Variants in ABCC5 observed in about 807,000 individuals in gnomAD.
The protein encoded by ABCC5 is ATP-binding cassette sub-family C member 5.
In ABCC5, 61 loss-of-function variants were observed where a neutral mutation model predicts 160.9. The observed-to-expected ratio is 0.38, with a 90% CI of 0.31 to 0.47. The LOEUF (loss-of-function observed/expected upper bound fraction) is 0.47. ABCC5 is among the 20% of genes least tolerant of loss of function. The pLI is 0.99. For synonymous variants in ABCC5, 666 were observed against 700.6 expected (o/e 0.95, Z 0.78); for missense variants, 1,308 against 1,813.3 (o/e 0.72, Z 5.06).
rs573755082 is a variant in ABCC5, at chr3:183,927,823, T to A, written c.3934-380A>T. 2.2e-5 allele frequency: 22 copies of A among 985,388 alleles called. 1 individual carries two copies. The South Asian group carries it at 9.4e-4, about 42-fold the overall frequency. 61.0% of individuals were successfully genotyped at this position (985,388 alleles called of 1,614,324 possible). A position where few individuals can be genotyped will look rare whatever the true frequency, so the allele number is the denominator to read the frequency against. On this transcript the variant is annotated intron_variant, in intron 27 of 29. Transcript: ENST00000334444. ...GTCCAAAGCCGTAGGCCCGTGCCTG[T>A]GAAACATTTTTTGTAAGCTGCAGAA...
chr3:183,939,310 G>A (rs896483279), intron 25 of ABCC5, among the ~76,000 whole-genome samples: 1 of 152,182 alleles, frequency 6.6e-6, no homozygotes, highest in African/African-American at 2.4e-5. Flanking sequence ...GCGAGTGCCT[G>A]TAATCCCAGG....
Position 183,963,710 on chromosome 3 carries a change from T to A in ABCC5, c.2032-122A>T. 1.2e-6 allele frequency: 1 copy of A among 838,846 alleles called. No individual in the cohort carries two copies. The highest frequency in any genetic ancestry group is 1.7e-6 in the Non-Finnish European group (1 of 571,536). 52.0% of individuals were successfully genotyped at this position (838,846 alleles called of 1,614,324 possible). ...GCTCCTTCTGTCAATTCCCCGCAGA[T>A]GAACTGCCATGCTGATTCCCCGCAG... On this transcript the variant is annotated intron_variant, in intron 14 of 29. Coordinates refer to ENST00000334444, the MANE Select transcript of ABCC5 (RefSeq NM_005688.4). This position sits in a 1 kb window ranked among gnomAD's most constrained non-coding sequence, Gnocchi z 4.6.
chr3:183,943,759 A>T (rs981205193), intron 24 of ABCC5, among the ~76,000 whole-genome samples: 1 of 152,174 alleles, frequency 6.6e-6, no homozygotes, highest in African/African-American at 2.4e-5. Flanking sequence ...GACCGGTTTC[A>T]GCAGGGTCCA....
intron 1 of ABCC5, among the ~76,000 whole-genome samples, chr3:184,015,323 A>G (rs1275646371): frequency 6.6e-6 from 1 of 152,158 alleles, no homozygotes; most frequent in African/African-American, 2.4e-5. Context: ...AAACACATAC[A>G]TACTTCTCCA....
intron 2 of ABCC5, among the ~76,000 whole-genome samples, chr3:183,990,412 C>G (rs1280425742): frequency 1.3e-5 from 2 of 152,152 alleles, no homozygotes; most frequent in African/African-American, 4.8e-5. Context: ...GCTTATGGAC[C>G]ACTCTTTGTG....
intron 24 of ABCC5, among the ~76,000 whole-genome samples, chr3:183,944,437 GA>G (rs71630002): frequency 8.4e-4 from 127 of 151,890 alleles, no homozygotes; most frequent in Non-Finnish European, 1.4e-3. Context: ...AGGAAAAAAA[GA>G]AAAAAAGCTA....
rs4148596 is a variant in ABCC5, at chr3:183,920,241, GGA to G, written c.*1057_*1058del. The G allele has an allele frequency of 5.3e-5, 8 of 152,110 alleles. No homozygotes were observed. The highest frequency in any genetic ancestry group is 9.7e-5 in the African/African-American group (4 of 41,408). The allele number at this position is 152,110 out of a possible 1,614,324, so 9.4% of individuals were successfully genotyped here. On this transcript the variant is annotated 3_prime_UTR_variant, in exon 30 of 30. Transcript: ENST00000334444. This position sits in a 1 kb window ranked among gnomAD's most constrained non-coding sequence, Gnocchi z 4.1. ...CTGCTTAAAGTTGCAGACTTTGAGG[GGA>G]GAGAGAGAGAGAGACTGTGCGACGA...
intron 16 of ABCC5, among the ~76,000 whole-genome samples, chr3:183,960,352 T>G (rs1716608384): frequency 6.6e-6 from 1 of 152,172 alleles, no homozygotes; most frequent in Non-Finnish European, 1.5e-5. Flanking sequence ...TACACCACAC[T>G]GCAATTTCCC....
intron 17 of ABCC5, among the ~76,000 whole-genome samples, chr3:183,953,812 T>C (rs193273136): frequency 2.0e-5 from 3 of 152,260 alleles, no homozygotes; most frequent in Admixed American, 2.0e-4. Context: ...ACCACAGTGA[T>C]TCGGCACAGC....
chr3:183,926,158 T>TTTTTC (rs1175459487), intron 28 of ABCC5, among the ~76,000 whole-genome samples: 1 of 149,460 alleles, frequency 6.7e-6, no homozygotes. Flanking sequence ...TTTTTTTTTT[T>TTTTTC]CTAAGAAAGC....
intron 23 of ABCC5, among the ~76,000 whole-genome samples, chr3:183,946,220 C>T (rs1378085405): frequency 6.6e-6 from 1 of 152,216 alleles, no homozygotes; most frequent in Non-Finnish European, 1.5e-5. Context: ...ATATCTGCAA[C>T]TGATTCACTT....
At chr3:183,953,027 A>G in intron 18 of ABCC5, 59 bp downstream of exon 18, 1 of 1,491,054 alleles carries the variant, frequency 6.7e-7, no homozygotes, top group Non-Finnish European at 9.1e-7. Flanking sequence ...TAGCCAGGGA[A>G]TAGGGAGAAA....
rs886769053 is a variant in ABCC5 at position 183,987,903 on chromosome 3, C to G, written c.458G>C (p.Trp153Ser). Reference protein sequence around the residue: ...DVNCRRLERLWQEELNEVGPD... With the variant: ...DVNCRRLERLSQEELNEVGPD... ...CCCAACTTCATTCAGCTCTTCTTGCCACAGTCTCTCTAGTCTTAACAAGGG... is the reference window on the plus strand; with the variant it reads ...CCCAACTTCATTCAGCTCTTCTTGCGACAGTCTCTCTAGTCTTAACAAGGG... Residue 153 changes from tryptophan to serine, a missense_variant, in exon 5 of 30, where the codon TGG becomes TCG. Physicochemically the swap from Trp to Ser is radical, Grantham distance 177. Coordinates refer to ENST00000334444, the MANE Select transcript of ABCC5 (RefSeq NM_005688.4). The surrounding 1 kb of genome is among the most constrained non-coding windows in gnomAD (Gnocchi z 4.2). The G allele has an allele frequency of 3.7e-6, 6 of 1,614,092 alleles. No individual in the cohort carries two copies. The highest frequency in any genetic ancestry group is 5.1e-6 in the Non-Finnish European group (6 of 1,180,036).
At chr3:184,009,919 C>T (rs752182621) in intron 2 of ABCC5, 20 of 420,122 alleles carry the variant, frequency 4.8e-5, no homozygotes, top group African/African-American at 1.2e-4. Context: ...GAGGCTGAGG[C>T]GGGAGGCTTG....
intron 2 of ABCC5, among the ~76,000 whole-genome samples, chr3:183,997,740 T>C (rs1273614687): frequency 6.6e-6 from 1 of 152,210 alleles, no homozygotes; most frequent in Non-Finnish European, 1.5e-5. Flanking sequence ...ACTGAGGCGA[T>C]CTTACCCATT....
Position 183,982,498 on chromosome 3 carries a change from T to C in ABCC5, c.952A>G (p.Thr318Ala), listed in dbSNP as rs1718834969. The change falls in exon 7 of 30, where the codon ACA becomes GCA. Residue 318 changes from threonine (T) to alanine (A), a missense_variant. Coordinates refer to ENST00000334444, the MANE Select transcript of ABCC5 (RefSeq NM_005688.4). The surrounding 1 kb of genome is among the most constrained non-coding windows in gnomAD (Gnocchi z 5.2). ...AAAACAGCTGATCCCAGGAAGCCTG[T>C]TGGTCCCAGAATAATTACATTATAA... is the stretch of plus-strand genomic sequence containing the variant. Reference protein sequence around the residue: ...MIYNVIILGPTGFLGSAVFIL... With the variant: ...MIYNVIILGPAGFLGSAVFIL... 2 of 1,614,016 alleles carry C rather than the reference T, an allele frequency of 1.2e-6. No individual in the cohort carries two copies.
At chr3:183,961,700 A>C (rs1014001436) in intron 15 of ABCC5, 46 bp from the exon 16 acceptor site, 2 of 1,608,586 alleles carry the variant, frequency 1.2e-6, no homozygotes, top group African/African-American at 1.3e-5. Flanking sequence ...TTGTGCAAAT[A>C]CATTCAAAAA....
At chr3:184,007,393 C>G (rs917222675) in intron 2 of ABCC5, among the ~76,000 whole-genome samples, 1 of 152,176 alleles carries the variant, frequency 6.6e-6, no homozygotes, top group South Asian at 2.1e-4. Flanking sequence ...GCACCCTTAC[C>G]TTTGCCTGAG....
intron 17 of ABCC5, among the ~76,000 whole-genome samples, chr3:183,959,340 G>C (rs1036332490): frequency 1.3e-5 from 2 of 152,128 alleles, no homozygotes; most frequent in African/African-American, 4.8e-5. Flanking sequence ...GTGCTTCTGA[G>C]GACACAGATA....
Sources: gnomAD v4.1 joint callset for allele counts (sites outside exome capture counted in the v4.1 genomes callset) on GRCh38, gnomAD v4.1.1 for gene constraint, Gnocchi (gnomAD v3.1) non-coding constraint, MANE v1.5 for transcripts, NCBI Gene and HGNC (gene_info 2026-07-23, HGNC 2026-07-21) for gene names.